Variants in NAV3 observed in about 807,000 individuals in gnomAD.
NAV3 encodes neuron navigator 3.
NAV3 carries 87 observed loss-of-function variants against 244.7 expected under a neutral mutation model. That is an observed-to-expected ratio of 0.36 (90% CI 0.30 to 0.42). The LOEUF is 0.42. NAV3 is among the 20% of genes least tolerant of loss of function. NAV3 has a pLI of 1.00. For missense variants in NAV3, 2,663 were observed against 2,893.3 expected (o/e 0.92, Z 1.83); for synonymous variants, 1,126 against 1,042.2 (o/e 1.08, Z -1.55).
chr12:77,648,122 A>G (rs1872678347), intron 2 of NAV3, among the ~76,000 whole-genome samples: 1 of 152,144 alleles, frequency 6.6e-6, no homozygotes, highest in South Asian at 2.1e-4. Context: ...CATGCAAAAT[A>G]AAATTGAATA....
chr12:78,089,857 A>G (rs1212330412), intron 12 of NAV3, among the ~76,000 whole-genome samples: 1 of 152,102 alleles, frequency 6.6e-6, no homozygotes, highest in East Asian at 1.9e-4. Flanking sequence ...ATTCCTCTTT[A>G]ACTTAAACCT....
At chr12:78,209,891 A>G (rs983346516) in intron 39 of NAV3, among the ~76,000 whole-genome samples, 5 of 152,212 alleles carry the variant, frequency 3.3e-5, no homozygotes, top group African/African-American at 4.8e-5. Flanking sequence ...TCCCGAGGTC[A>G]GCTCCTAAAC....
chr12:77,645,311 G>T (rs193196028), intron 2 of NAV3, among the ~76,000 whole-genome samples: 150 of 151,612 alleles, frequency 9.9e-4, no homozygotes, highest in African/African-American at 3.4e-3. Flanking sequence ...TTGAGAAATG[G>T]AATTTTGTGG....
At chr12:78,017,815 G>A (rs772400350) in intron 8 of NAV3, among the ~76,000 whole-genome samples, 12 of 152,090 alleles carry the variant, frequency 7.9e-5, no homozygotes, top group Admixed American at 1.3e-4. Context: ...TATGTTGTGC[G>A]TCTTCAGAGA....
At chr12:77,716,606 A>G (rs1876373854) in intron 2 of NAV3, among the ~76,000 whole-genome samples, 1 of 152,012 alleles carries the variant, frequency 6.6e-6, no homozygotes, top group Non-Finnish European at 1.5e-5. Flanking sequence ...TAAATATAGA[A>G]GTATAAATGA....
At chr12:77,703,373 T>C (rs1051073735) in intron 2 of NAV3, among the ~76,000 whole-genome samples, 1 of 152,264 alleles carries the variant, frequency 6.6e-6, no homozygotes, top group Admixed American at 6.5e-5. Context: ...TTTATTATAT[T>C]GAGTGGTATT....
chr12:77,909,234 A>G (rs955495973), intron 1 of NAV3, among the ~76,000 whole-genome samples: 3 of 152,128 alleles, frequency 2.0e-5, no homozygotes, highest in Non-Finnish European at 2.9e-5. Context: ...AACAGGAAAT[A>G]AAAGTCACTA....
intron 12 of NAV3, among the ~76,000 whole-genome samples, chr12:78,096,856 G>A (rs1442930324): frequency 1.3e-5 from 2 of 152,124 alleles, no homozygotes; most frequent in Non-Finnish European, 2.9e-5. Flanking sequence ...TCCAGTTACT[G>A]TAACTCCTCT....
chr12:78,047,970 C>A (rs180793781), intron 9 of NAV3, among the ~76,000 whole-genome samples: 4 of 152,094 alleles, frequency 2.6e-5, no homozygotes, highest in African/African-American at 7.2e-5. Context: ...TCTTCAATCT[C>A]GGATATCCTT....
intron 5 of NAV3, among the ~76,000 whole-genome samples, chr12:77,989,172 C>T (rs1871036529): frequency 1.3e-5 from 2 of 152,080 alleles, no homozygotes; most frequent in African/African-American, 2.4e-5. Flanking sequence ...TGCAAACGTT[C>T]AACTAAGCCT....
chr12:77,608,967 A>G (rs1870791885), intron 2 of NAV3, among the ~76,000 whole-genome samples: 1 of 152,028 alleles, frequency 6.6e-6, no homozygotes, highest in Non-Finnish European at 1.5e-5. Context: ...CTGAAAACAT[A>G]TTTTTAATAT....
chr12:77,799,263 G>C (rs1329912492), intron 2 of NAV3, among the ~76,000 whole-genome samples: 1 of 152,100 alleles, frequency 6.6e-6, no homozygotes, highest in East Asian at 1.9e-4. Flanking sequence ...TACTTATTGG[G>C]GTTCTTTATT....
Position 78,212,174 on chromosome 12 carries a change from A to G in NAV3, c.*1657A>G, listed in dbSNP as rs1960931117. 6.6e-6 allele frequency: 1 copy of G among 152,652 alleles called. No homozygotes were observed. The highest frequency in any genetic ancestry group is 6.5e-5 in the Admixed American group (1 of 15,272). 9.5% of individuals were successfully genotyped at this position (152,652 alleles called of 1,614,324 possible). On this transcript the variant is annotated 3_prime_UTR_variant, in exon 40 of 40. Transcript: ENST00000397909. ...TTTTGGATAAGTAAAACTGTCTGAA[A>G]GTACATCTGTCATGGCAGGCTTTAA...
At chr12:77,992,941 G>C (rs1219466001) in intron 5 of NAV3, among the ~76,000 whole-genome samples, 1 of 152,188 alleles carries the variant, frequency 6.6e-6, no homozygotes, top group Admixed American at 6.5e-5. Context: ...CAAGATAGCA[G>C]CTTCACCAGT....
chr12:77,777,380 A>C (rs977889914), intron 2 of NAV3, among the ~76,000 whole-genome samples: 5 of 152,200 alleles, frequency 3.3e-5, no homozygotes. Context: ...GAATGCCTAC[A>C]TCATGAGATG....
At chr12:77,909,720 G>T (rs1037095956) in intron 1 of NAV3, among the ~76,000 whole-genome samples, 1 of 151,870 alleles carries the variant, frequency 6.6e-6, no homozygotes, top group African/African-American at 2.4e-5. Context: ...GCTTCTTCAT[G>T]GATGCTTTAT....
At chr12:77,996,312 G>C (rs1464868702) in intron 6 of NAV3, among the ~76,000 whole-genome samples, 1 of 152,112 alleles carries the variant, frequency 6.6e-6, no homozygotes, top group Non-Finnish European at 1.5e-5. Context: ...CACTGGTCCT[G>C]TAAATTCCTA....
At chr12:77,672,919 A>C (rs1338928118) in intron 2 of NAV3, among the ~76,000 whole-genome samples, 1 of 152,182 alleles carries the variant, frequency 6.6e-6, no homozygotes, top group Non-Finnish European at 1.5e-5. Flanking sequence ...GTAAGAGATG[A>C]GGAAAATAAC....
chr12:78,175,960 T>C (rs1431981089), intron 25 of NAV3, among the ~76,000 whole-genome samples: 1 of 151,938 alleles, frequency 6.6e-6, no homozygotes, highest in African/African-American at 2.4e-5. Flanking sequence ...AGGGAAAGAA[T>C]AAACAATGAA....
Sources: gnomAD v4.1 joint callset for allele counts (sites outside exome capture counted in the v4.1 genomes callset) on GRCh38, gnomAD v4.1.1 for gene constraint, MANE v1.5 for transcripts, NCBI Gene and HGNC (gene_info 2026-07-23, HGNC 2026-07-21) for gene names.